The following ERG variants were observed in gnomAD, a reference collection of about 807,000 sequenced individuals.
The protein encoded by ERG is transcriptional regulator ERG.
In ERG, 9 loss-of-function variants were observed where a neutral mutation model predicts 55.3. The ratio of observed to expected loss-of-function variants is 0.16; its 90% CI spans 0.10 to 0.28. ERG has a LOEUF of 0.28. Among genes scored for constraint, ERG ranks in the 10% least tolerant of loss-of-function variants. ERG has a pLI of 1.00. For missense variants in ERG, 434 were observed against 631.6 expected, an observed-to-expected ratio of 0.69 and a Z score of 3.35; for synonymous variants, 223 against 237.3, an observed-to-expected ratio of 0.94 and a Z score of 0.55.
intron 1 of ERG, among the ~76,000 whole-genome samples, chr21:38,463,232 A>T (rs1026541193): frequency 2.0e-5 from 3 of 152,130 alleles, no homozygotes; most frequent in African/African-American, 7.2e-5. Flanking sequence ...TGGGTGTCTC[A>T]TTTTATTATA....
intron 1 of ERG, among the ~76,000 whole-genome samples, chr21:38,624,416 A>C (rs2060312400): frequency 6.6e-6 from 1 of 152,216 alleles, no homozygotes; most frequent in Non-Finnish European, 1.5e-5. Context: ...CCTATGTAAC[A>C]AACCTGCACA....
intron 1 of ERG, among the ~76,000 whole-genome samples, chr21:38,455,373 AG>A (rs1180720575): frequency 6.6e-6 from 1 of 152,126 alleles, no homozygotes; most frequent in Non-Finnish European, 1.5e-5. Flanking sequence ...AGGTGATTCA[AG>A]GCTTGAGAAA....
chr21:38,449,386 T>G (rs1030027450), intron 1 of ERG, among the ~76,000 whole-genome samples: 2 of 152,228 alleles, frequency 1.3e-5, no homozygotes, highest in African/African-American at 4.8e-5. Context: ...CAAAAGGTAC[T>G]ACTGTGTTAG....
At chr21:38,468,177 G>A (rs1187185507) in intron 1 of ERG, among the ~76,000 whole-genome samples, 1 of 152,160 alleles carries the variant, frequency 6.6e-6, no homozygotes, top group Non-Finnish European at 1.5e-5. Context: ...GGTTCCTATA[G>A]GTCGGCACCT....
At chr21:38,585,987 G>A (rs1457389967), upstream of ERG, among the ~76,000 whole-genome samples, 1 of 151,922 alleles carries the variant, frequency 6.6e-6, no homozygotes, top group Non-Finnish European at 1.5e-5. Context: ...ATAAAAGAGG[G>A]AAGGCAGGAA....
chr21:38,549,332 T>G (rs1452860111), intron 2 of ERG, among the ~76,000 whole-genome samples: 1 of 152,150 alleles, frequency 6.6e-6, no homozygotes, highest in Non-Finnish European at 1.5e-5. Context: ...CCCAAACTAT[T>G]GCACATCCTG....
intron 1 of ERG, among the ~76,000 whole-genome samples, chr21:38,455,685 C>T (rs2058981632): frequency 6.6e-6 from 1 of 151,980 alleles, no homozygotes; most frequent in Admixed American, 6.6e-5. Flanking sequence ...AAAACCCTGG[C>T]AAGCAAAAGA....
At chr21:38,431,911 G>C in intron 2 of ERG, among the ~76,000 whole-genome samples, 1 of 152,198 alleles carries the variant, frequency 6.6e-6, no homozygotes, top group Non-Finnish European at 1.5e-5. Context: ...AGCCACAGAG[G>C]ATGAGAGACG....
At chr21:38,415,593 G>A (rs973794333) in intron 3 of ERG, among the ~76,000 whole-genome samples, 2 of 152,076 alleles carry the variant, frequency 1.3e-5, no homozygotes, top group African/African-American at 4.8e-5. Context: ...AGAGATCCTC[G>A]GGTGTGTTCA....
At chr21:38,483,107 TAACA>T (rs997967959) in intron 1 of ERG, among the ~76,000 whole-genome samples, 9 of 152,112 alleles carry the variant, frequency 5.9e-5, no homozygotes, top group African/African-American at 7.2e-5. Context: ...GTAAAATCTA[TAACA>T]AACAAACAAA....
intron 1 of ERG, among the ~76,000 whole-genome samples, chr21:38,454,577 C>A (rs763711815): frequency 6.6e-6 from 1 of 152,172 alleles, no homozygotes; most frequent in Non-Finnish European, 1.5e-5. Flanking sequence ...CCGAGCAGCT[C>A]TCTCCCAGGA....
intron 3 of ERG, among the ~76,000 whole-genome samples, chr21:38,421,372 C>T (rs1011928085): frequency 2.0e-5 from 3 of 152,194 alleles, no homozygotes; most frequent in Admixed American, 2.0e-4. Context: ...CCCACTGCAT[C>T]GAACCAGCTT....
At chr21:38,432,763 A>G (rs920461137) in intron 2 of ERG, among the ~76,000 whole-genome samples, 1 of 152,220 alleles carries the variant, frequency 6.6e-6, no homozygotes, top group Non-Finnish European at 1.5e-5. Context: ...TCACACAGCC[A>G]GTAGTGGAAG....
chr21:38,472,472 G>A (rs183787148), intron 1 of ERG, among the ~76,000 whole-genome samples: 3 of 152,248 alleles, frequency 2.0e-5, no homozygotes, highest in East Asian at 3.9e-4. Context: ...AAAGACAGAG[G>A]TTGTGTCCCC....
At position 38,444,296 on chromosome 21, in the gene ERG, G is replaced by A. The variant is rs115759087; in HGVS notation, c.236+1108C>T. Among the ~76,000 whole-genome samples the A allele has an allele frequency of 8.0e-3, 1,224 of 152,220 alleles. 17 individuals are homozygous for A. The highest frequency in any genetic ancestry group is 0.027 in the African/African-American group (1,139 of 41,522). On this transcript the variant is annotated intron_variant, in intron 2 of 9. Coordinates refer to ENST00000288319, the MANE Select transcript of ERG (RefSeq NM_182918.4). ...CTGATTCCATTTAAGTGGTGATTTG[G>A]GGTCAGACTGGAAATGCCTGATCAC...
intron 1 of ERG, among the ~76,000 whole-genome samples, chr21:38,647,815 C>T (rs1233250143): frequency 1.3e-5 from 2 of 152,280 alleles, no homozygotes; most frequent in Admixed American, 6.5e-5. Flanking sequence ...GTCACATACA[C>T]GTCACCTCCT....
intron 1 of ERG, among the ~76,000 whole-genome samples, chr21:38,496,267 G>A (rs1306704213): frequency 6.6e-6 from 1 of 152,084 alleles, no homozygotes; most frequent in Non-Finnish European, 1.5e-5. Context: ...ATACCTAATC[G>A]ACTAATTGAT....
At chr21:38,442,322 G>C (rs186813855) in intron 2 of ERG, among the ~76,000 whole-genome samples, 9 of 152,274 alleles carry the variant, frequency 5.9e-5, no homozygotes, top group Admixed American at 3.3e-4. Flanking sequence ...TGAACCCCGG[G>C]GGGTGGAGGT....
In ERG at chr21:38,383,449, C is replaced by A; in HGVS notation, c.1394G>T (p.Arg465Met). 6.6e-7 allele frequency: 1 copy of A among 1,517,016 alleles called. No homozygotes were observed. The highest frequency in any genetic ancestry group is 8.8e-7 in the Non-Finnish European group (1 of 1,132,386). The allele number at this position is 1,517,016 out of a possible 1,614,324, so 94.0% of individuals were successfully genotyped here. Residue 465 changes from arginine to methionine, a missense_variant, in exon 10 of 10, where the codon AGG becomes ATG. By Grantham distance (91) the Arg-to-Met change is moderately conservative. This residue lies in a region of ERG where 107 missense variants were observed against 126.8 expected (regional missense o/e 0.84). Transcript: ENST00000288319. This position sits in a 1 kb window ranked among gnomAD's most constrained non-coding sequence, Gnocchi z 5.7. ...SPTGGIYPNT[R>M]LPTSHMPSHL... The stretch of plus-strand genomic sequence containing the variant: ...AGAAGGCATATGGCTGGTGGGGAGC[C>A]TAGTGTTGGGGTATATACCCCCAGT...
Sources: gnomAD v4.1 joint callset for allele counts (sites outside exome capture counted in the v4.1 genomes callset) on GRCh38, gnomAD v4.1.1 for gene constraint, gnomAD v4.1.1 regional missense constraint, Gnocchi (gnomAD v3.1) non-coding constraint, MANE v1.5 for transcripts, NCBI Gene and HGNC (gene_info 2026-07-23, HGNC 2026-07-21) for gene names.